The following IFIT3 variants were observed in gnomAD, a reference collection of about 807,000 sequenced individuals.
The protein encoded by IFIT3 is interferon induced protein with tetratricopeptide repeats 3.
In IFIT3, 2 loss-of-function variants were observed where a neutral mutation model predicts 2.4. The observed-to-expected ratio is 0.82, with a 90% confidence interval of 0.34 to 2.60. IFIT3 has a LOEUF of 2.60. IFIT3 is among the 30% of genes most tolerant of loss of function. IFIT3 has a pLI of 0.11. For synonymous variants in IFIT3, 203 were observed against 212.1 expected (o/e 0.96, Z 0.37); for missense variants, 481 against 562.4 (o/e 0.86, Z 1.46).
At position 89,338,812 on chromosome 10, in the gene IFIT3, A is replaced by G. The variant is rs1008114998; in HGVS notation, c.157A>G (p.Met53Val). The change falls in exon 2 of 2, where the codon ATG becomes GTG. Residue 53 changes from methionine to valine, a missense_variant. By Grantham distance (21) the Met-to-Val change is conservative. Coordinates refer to ENST00000371818, the MANE Select transcript of IFIT3 (RefSeq NM_001549.6). ...EFLNTEFKAT[M>V]YNLLAYIKHL... ...TTTAAACACTGAGTTCAAAGCTACAATGTACAACTTGTTGGCCTACATAAA... is the reference window on the plus strand; with the variant it reads ...TTTAAACACTGAGTTCAAAGCTACAGTGTACAACTTGTTGGCCTACATAAA... 6.2e-6 allele frequency: 10 copies of G among 1,614,046 alleles called. No individual in the cohort carries two copies. Among genetic ancestry groups the G allele is most frequent in the Non-Finnish European group, 7.6e-6 (9 of 1,180,022 alleles).
At chr10:89,329,937 AG>A (rs1338738377) in intron 1 of IFIT3, among the ~76,000 whole-genome samples, 3 of 151,932 alleles carry the variant, frequency 2.0e-5, no homozygotes, top group Non-Finnish European at 4.4e-5. Flanking sequence ...TTACTGTCAA[AG>A]GGGGGTTGTT....
intron 1 of IFIT3, chr10:89,338,268 T>A: frequency 5.6e-6 from 1 of 177,134 alleles, no homozygotes; most frequent in South Asian, 1.3e-4. Flanking sequence ...GATGGTGTAG[T>A]CCCAGTCCAA....
intron 1 of IFIT3, among the ~76,000 whole-genome samples, chr10:89,329,655 G>A (rs1330548994): frequency 6.6e-6 from 1 of 152,146 alleles, no homozygotes; most frequent in Admixed American, 6.5e-5. Flanking sequence ...CATCCACTGA[G>A]GAACTCTGTT....
intron 1 of IFIT3, among the ~76,000 whole-genome samples, chr10:89,337,425 G>C (rs1843760044): frequency 6.6e-6 from 1 of 151,836 alleles, no homozygotes; most frequent in Admixed American, 6.6e-5. Flanking sequence ...TTTGAGGCAG[G>C]GTCCCACTCT....
rs1843660608 is a variant in IFIT3, at chr10:89,332,206, C to G, written c.5+4128C>G. Among the ~76,000 whole-genome samples the G allele has an allele frequency of 2.0e-5, 3 of 152,308 alleles. No homozygotes were observed. The South Asian group carries it at 6.2e-4, about 32-fold the overall frequency. On this transcript the variant is annotated intron_variant, in intron 1 of 1. Transcript: ENST00000371818. ...AGGGAGTCTGGTTAACATGTAACCCCTCACCACACAGGTCAAAGAGCAACA... is the reference window on the plus strand; with the variant it reads ...AGGGAGTCTGGTTAACATGTAACCCGTCACCACACAGGTCAAAGAGCAACA...
Position 89,338,768 on chromosome 10 carries a change from T to C in IFIT3, c.113T>C (p.Val38Ala), listed in dbSNP as rs1221484852. The change falls in exon 2 of 2, where the codon GTG becomes GCG. Residue 38 changes from valine to alanine, a missense_variant. Transcript: ENST00000371818. ...GTCTCAAGGGATCTAGAAGATAGAG[T>C]GTGTAACCAGATTGAATTTTTAAAC... ...DSVSRDLEDR[V>A]CNQIEFLNTE... 1.2e-6 allele frequency: 2 copies of C among 1,614,012 alleles called. No homozygotes were observed. Among genetic ancestry groups the C allele is most frequent in the Non-Finnish European group, 1.7e-6 (2 of 1,179,970 alleles).
rs1333894852 is a variant in IFIT3, at chr10:89,338,967, C to T, written c.312C>T (p.Tyr104=). ...CTTGGGGAAACTACGCCTGGGTCTACTATCACTTGGGCAGACTCTCAGATG... is the reference window on the plus strand; with the variant it reads ...CTTGGGGAAACTACGCCTGGGTCTATTATCACTTGGGCAGACTCTCAGATG... ...LVTWGNYAWV[Y]YHLGRLSDAQ... Residue 104 remains tyrosine, a synonymous_variant, in exon 2 of 2, where the codon TAC becomes TAT. Transcript: ENST00000371818. 1.9e-6 allele frequency: 3 copies of T among 1,614,152 alleles called. No individual in the cohort carries two copies. The highest frequency in any genetic ancestry group is 1.7e-6 in the Non-Finnish European group (2 of 1,180,018).
chr10:89,336,042 G>A (rs1392031089), intron 1 of IFIT3, among the ~76,000 whole-genome samples: 4 of 151,952 alleles, frequency 2.6e-5, no homozygotes, highest in Non-Finnish European at 5.9e-5. Flanking sequence ...TTGGTATGTC[G>A]AGGCAGAAGG....
At chr10:89,330,399 C>A (rs573236238) in intron 1 of IFIT3, among the ~76,000 whole-genome samples, 1 of 152,236 alleles carries the variant, frequency 6.6e-6, no homozygotes, top group Admixed American at 6.5e-5. Flanking sequence ...TCATCTGACT[C>A]TATGCCCAAT....
chr10:89,335,200 T>G (rs1843716344), intron 1 of IFIT3: 1 of 152,208 alleles, frequency 6.6e-6, no homozygotes, highest in Admixed American at 6.5e-5. Flanking sequence ...CAGTGGGTTT[T>G]ATAATCATAA....
At chr10:89,334,535 G>A (rs1334866814) in intron 1 of IFIT3, among the ~76,000 whole-genome samples, 2 of 98,012 alleles carry the variant, frequency 2.0e-5, no homozygotes, top group Non-Finnish European at 3.9e-5. Flanking sequence ...TTGCTCTTTC[G>A]CCCAGGCTGG....
chr10:89,340,394 T>G lies in IFIT3; in HGVS notation c.*266T>G. 4.2e-6 allele frequency: 1 copy of G among 237,986 alleles called. No individual in the cohort carries two copies. Among genetic ancestry groups the G allele is most frequent in the Non-Finnish European group, 8.2e-6 (1 of 121,314 alleles). The allele number at this position is 237,986 out of a possible 1,614,324, so 14.7% of individuals were successfully genotyped here. A position where few individuals can be genotyped will look rare whatever the true frequency, so the allele number is the denominator to read the frequency against. On this transcript the variant is annotated 3_prime_UTR_variant, in exon 2 of 2. Transcript: ENST00000371818. ...TAACACAGTGAAATCCCGTCTCTAC[T>G]AAAAATACAAAAAATTAGCCAGGCG...
At position 89,338,838 on chromosome 10, in the gene IFIT3, A is replaced by G. The variant is rs1843793053; in HGVS notation, c.183A>G (p.Lys61=). The change falls in exon 2 of 2, where the codon AAA becomes AAG. Residue 61 remains lysine, a synonymous_variant. Coordinates refer to ENST00000371818, the MANE Select transcript of IFIT3 (RefSeq NM_001549.6). The part of the protein sequence containing the change: ...ATMYNLLAYI[K]HLDGNNEAAL... ...TGTACAACTTGTTGGCCTACATAAA[A>G]CACCTAGATGGTAACAACGAGGCAG... 2.5e-6 allele frequency: 4 copies of G among 1,614,038 alleles called. No homozygotes were observed. Among genetic ancestry groups the G allele is most frequent in the East Asian group, 2.2e-5 (1 of 44,890 alleles).
At position 89,339,622 on chromosome 10, in the gene IFIT3, G is replaced by C; in HGVS notation, c.967G>C (p.Glu323Gln). The C allele has an allele frequency of 6.2e-7, 1 of 1,614,198 alleles. No homozygotes were observed. Among genetic ancestry groups the C allele is most frequent in the Non-Finnish European group, 8.5e-7 (1 of 1,180,024 alleles). ...TATGGACTATTCGAATAAAGCTCTTGAGAAGGGACTGAATCCTCTGAATGC... is the reference window on the plus strand; with the variant it reads ...TATGGACTATTCGAATAAAGCTCTTCAGAAGGGACTGAATCCTCTGAATGC... ...YAMDYSNKALEKGLNPLNAYS... is the reference protein window; with the variant it reads ...YAMDYSNKALQKGLNPLNAYS... Residue 323 changes from glutamate (E) to glutamine (Q), a missense_variant, in exon 2 of 2, where the codon GAG (glutamate) becomes CAG (glutamine). Physicochemically the swap from Glu to Gln is conservative, Grantham distance 29. Transcript: ENST00000371818.
intron 1 of IFIT3, chr10:89,335,259 T>C (rs1305147964): frequency 1.3e-5 from 2 of 152,180 alleles, no homozygotes; most frequent in African/African-American, 2.4e-5. Context: ...TTCCATGTTA[T>C]CATTAAATGT....
At position 89,328,053 on chromosome 10, in the gene IFIT3, G is replaced by C; in HGVS notation, c.-21G>C. ...GCCTGGTCACCAGCTTTTCGGAACA[G>C]CAGAGACACAGAGGGCAGTCATGAG... On this transcript the variant is annotated 5_prime_UTR_variant, in exon 1 of 2. Transcript: ENST00000371818. 3 of 1,613,928 alleles carry C rather than the reference G, an allele frequency of 1.9e-6. No homozygotes were observed. Among genetic ancestry groups the C allele is most frequent in the Non-Finnish European group, 2.5e-6 (3 of 1,179,838 alleles).
At position 89,340,161 on chromosome 10, in the gene IFIT3, G is replaced by A; in HGVS notation, c.*33G>A. The A allele has an allele frequency of 3.2e-6, 5 of 1,539,984 alleles. No individual in the cohort carries two copies. Among genetic ancestry groups the A allele is most frequent in the Non-Finnish European group, 4.4e-6 (5 of 1,145,444 alleles). ...GAGGAAAACAGAGCATCAGAAGCCTGCAGTGGTGGTTGTGACGGGTAGGAC... is the reference window on the plus strand; with the variant it reads ...GAGGAAAACAGAGCATCAGAAGCCTACAGTGGTGGTTGTGACGGGTAGGAC... On this transcript the variant is annotated 3_prime_UTR_variant, in exon 2 of 2. Transcript: ENST00000371818.
At chr10:89,329,858 C>T (rs755028712) in intron 1 of IFIT3, among the ~76,000 whole-genome samples, 3 of 151,604 alleles carry the variant, frequency 2.0e-5, no homozygotes, top group African/African-American at 2.4e-5. Flanking sequence ...GGGCTGAGTC[C>T]GAAAAGAAAG....
At position 89,328,065 on chromosome 10, in the gene IFIT3, A is replaced by C. The variant is rs542637381; in HGVS notation, c.-9A>C. ...GCTTTTCGGAACAGCAGAGACACAG[A>C]GGGCAGTCATGAGGTCAGTGAAATA... On this transcript the variant is annotated 5_prime_UTR_variant, in exon 1 of 2. Coordinates refer to ENST00000371818, the MANE Select transcript of IFIT3 (RefSeq NM_001549.6). 5 of 1,613,870 alleles carry C rather than the reference A, an allele frequency of 3.1e-6. No homozygotes were observed. Among genetic ancestry groups the C allele is most frequent in the Non-Finnish European group, 4.2e-6 (5 of 1,179,868 alleles).
Sources: gnomAD v4.1 joint callset for allele counts (sites outside exome capture counted in the v4.1 genomes callset) on GRCh38, gnomAD v4.1.1 for gene constraint, MANE v1.5 for transcripts, NCBI Gene and HGNC (gene_info 2026-07-23, HGNC 2026-07-21) for gene names.